NCOA2: variants seen among roughly 807,000 people sequenced by gnomAD.
NCOA2 encodes class E basic helix-loop-helix protein 75.
A neutral mutation model predicts 145.1 loss-of-function variants in NCOA2; 21 were observed. The ratio of observed to expected loss-of-function variants is 0.14; its 90% CI spans 0.10 to 0.21. The LOEUF (loss-of-function observed/expected upper bound fraction) is 0.21, where lower values mean the gene tolerates loss of function less well. Among genes scored for constraint, NCOA2 ranks in the 10% least tolerant of loss-of-function variants. The pLI is 1.00. For missense variants in NCOA2, 1,472 were observed against 1,837.6 expected, an observed-to-expected ratio of 0.80 and a Z score of 3.64; for synonymous variants, 619 against 637.5, an observed-to-expected ratio of 0.97 and a Z score of 0.44.
At chr8:70,160,682 G>GGGA (rs1812868437) in intron 9 of NCOA2, among the ~76,000 whole-genome samples, 2 of 58,302 alleles carry the variant, frequency 3.4e-5, no homozygotes, top group Non-Finnish European at 9.8e-5. Context: ...AGAGAGAGAG[G>GGGA]GAGAGAGAGA....
intron 2 of NCOA2, among the ~76,000 whole-genome samples, chr8:70,232,333 G>A (rs1821212195): frequency 1.3e-5 from 2 of 152,150 alleles, no homozygotes; most frequent in African/African-American, 4.8e-5. Flanking sequence ...GCTGAGCACT[G>A]ATGGAGAATA....
At chr8:70,373,524 G>C (rs1203598662) in intron 1 of NCOA2, among the ~76,000 whole-genome samples, 1 of 152,088 alleles carries the variant, frequency 6.6e-6, no homozygotes, top group African/African-American at 2.4e-5. Flanking sequence ...AGCTTCTTTA[G>C]AACAGCAGAC....
chr8:70,360,674 AT>A (rs1427711459), intron 1 of NCOA2, among the ~76,000 whole-genome samples: 1 of 152,200 alleles, frequency 6.6e-6, no homozygotes, highest in Non-Finnish European at 1.5e-5. Flanking sequence ...GCGGTGGCTC[AT>A]GATTGTAATC....
intron 2 of NCOA2, among the ~76,000 whole-genome samples, chr8:70,261,390 G>C (rs1326051132): frequency 6.6e-6 from 1 of 151,428 alleles, no homozygotes; most frequent in Admixed American, 6.6e-5. Flanking sequence ...TCACAGGTGG[G>C]AATTGAACAA....
chr8:70,206,010 G>A (rs1281867895), intron 4 of NCOA2, among the ~76,000 whole-genome samples: 2 of 152,206 alleles, frequency 1.3e-5, no homozygotes, highest in African/African-American at 4.8e-5. Flanking sequence ...CCTCTGACAA[G>A]TACAAGAGAG....
At chr8:70,389,490 G>C (rs1477461820) in intron 1 of NCOA2, among the ~76,000 whole-genome samples, 4 of 152,004 alleles carry the variant, frequency 2.6e-5, no homozygotes, top group African/African-American at 9.7e-5. Context: ...ATGTTGGTCA[G>C]GCTGGTCTCG....
intron 2 of NCOA2, among the ~76,000 whole-genome samples, chr8:70,253,775 AAG>A (rs763214136): frequency 3.9e-5 from 6 of 152,218 alleles, no homozygotes; most frequent in Non-Finnish European, 7.3e-5. Context: ...ATCTAAATGT[AAG>A]AGAGAAAAAG....
intron 4 of NCOA2, among the ~76,000 whole-genome samples, chr8:70,204,982 C>T (rs529179429): frequency 2.6e-5 from 4 of 152,118 alleles, no homozygotes; most frequent in African/African-American, 4.8e-5. Context: ...CACTCTGGCC[C>T]GGAAGACAGA....
the NCOA2 span, among the ~76,000 whole-genome samples, chr8:70,421,232 G>T: frequency 1.3e-5 from 2 of 151,836 alleles, no homozygotes; most frequent in Non-Finnish European, 2.9e-5. Flanking sequence ...CTTGAGAGGG[G>T]AAAAAAGAAT....
At chr8:70,176,019 G>A (rs1406075292) in intron 4 of NCOA2, among the ~76,000 whole-genome samples, 1 of 152,148 alleles carries the variant, frequency 6.6e-6, no homozygotes, top group East Asian at 1.9e-4. Context: ...AGGGGAGGAT[G>A]ACCTGTGCAG....
chr8:70,123,464 C>T (rs1023750514), intron 21 of NCOA2, among the ~76,000 whole-genome samples: 6 of 152,094 alleles, frequency 3.9e-5, no homozygotes, highest in African/African-American at 1.4e-4. Flanking sequence ...TTGCAGTGAG[C>T]CAAGATAGTG....
At chr8:70,154,230 T>A (rs1341620870) in intron 11 of NCOA2, among the ~76,000 whole-genome samples, 1 of 152,134 alleles carries the variant, frequency 6.6e-6, no homozygotes, top group Non-Finnish European at 1.5e-5. Flanking sequence ...TCATTTAAAG[T>A]AGGAAAGCCC....
intron 2 of NCOA2, among the ~76,000 whole-genome samples, chr8:70,242,057 T>C (rs1053998253): frequency 3.3e-5 from 5 of 152,180 alleles, no homozygotes; most frequent in Admixed American, 2.0e-4. Flanking sequence ...TTCAATACTA[T>C]GTTTATTTAT....
At chr8:70,400,386 G>C (rs998088319) in intron 1 of NCOA2, among the ~76,000 whole-genome samples, 9 of 152,040 alleles carry the variant, frequency 5.9e-5, no homozygotes, top group African/African-American at 1.9e-4. Flanking sequence ...ATGCTTGAGA[G>C]GTTTTTTTCC....
At chr8:70,357,758 T>TG (rs1047362193) in intron 1 of NCOA2, among the ~76,000 whole-genome samples, 6 of 142,520 alleles carry the variant, frequency 4.2e-5, no homozygotes, top group East Asian at 2.1e-4. Context: ...AAAAGCGCGG[T>TG]GGGGGGAAGA....
intron 1 of NCOA2, among the ~76,000 whole-genome samples, chr8:70,393,044 T>C (rs1047605500): frequency 6.6e-6 from 1 of 152,124 alleles, no homozygotes; most frequent in Non-Finnish European, 1.5e-5. Context: ...GGGAAGACAT[T>C]GCCTCCCCTC....
chr8:70,426,018 C>CAGGTATATTA, the NCOA2 span, among the ~76,000 whole-genome samples: 2 of 152,182 alleles, frequency 1.3e-5, no homozygotes, highest in African/African-American at 4.8e-5. Flanking sequence ...TTAGCTCTTT[C>CAGGTATATTA]AGGTATATTA....
chr8:70,414,037 T>C, the NCOA2 span, among the ~76,000 whole-genome samples: 5 of 152,358 alleles, frequency 3.3e-5, no homozygotes, highest in East Asian at 7.7e-4. Context: ...TGTGTATATA[T>C]GATATTTAGT....
intron 1 of NCOA2, 59 bp downstream of exon 1, chr8:70,403,641 C>G (rs1814600879): frequency 2.8e-6 from 1 of 352,920 alleles, no homozygotes; most frequent in South Asian, 1.3e-4. Flanking sequence ...GACGCGGCGC[C>G]CCCCGCCTGC....
Sources: gnomAD v4.1 joint callset for allele counts (sites outside exome capture counted in the v4.1 genomes callset) on GRCh38, gnomAD v4.1.1 for gene constraint, MANE v1.5 for transcripts, NCBI Gene and HGNC (gene_info 2026-07-23, HGNC 2026-07-21) for gene names.